TTC6: variants seen among roughly 807,000 people sequenced by gnomAD.
TTC6 encodes tetratricopeptide repeat domain 6, also known as tetratricopeptide repeat protein 6.
TTC6 carries 172 observed loss-of-function variants against 210.4 expected under a neutral mutation model. That is an observed-to-expected ratio of 0.82 (90% confidence interval 0.72 to 0.93). The LOEUF is 0.93. Among genes scored for constraint, TTC6 ranks in the 40% least tolerant of loss-of-function variants. The probability of loss-of-function intolerance (pLI) is 0.00; values close to 1 mark genes in which losing one functional copy is unlikely to be tolerated. For synonymous variants in TTC6, 804 were observed against 819.6 expected (o/e 0.98, Z 0.32); for missense variants, 2,414 against 2,318.1 (o/e 1.04, Z -0.85).
chr14:37,804,653 C>A (rs2096114306), intron 20 of TTC6, 27 bp from the exon 23 acceptor site: 1 of 1,602,938 alleles, frequency 6.2e-7, no homozygotes. Flanking sequence ...CATTTCTTGC[C>A]CCCTCCCTGC....
At chr14:37,605,841 C>A (rs1175697461) in intron 1 of TTC6, among the ~76,000 whole-genome samples, 1 of 152,006 alleles carries the variant, frequency 6.6e-6, no homozygotes, top group African/African-American at 2.4e-5. Flanking sequence ...TTAGACCAGG[C>A]TCATTAGTGT....
chr14:37,651,971 G>A (rs1038689801), intron 1 of TTC6, among the ~76,000 whole-genome samples: 1 of 152,216 alleles, frequency 6.6e-6, no homozygotes, highest in Non-Finnish European at 1.5e-5. Context: ...AAGCAGGTCA[G>A]TGATGTGATA....
At chr14:37,655,365 A>G (rs886972778) in intron 1 of TTC6, among the ~76,000 whole-genome samples, 3 of 152,174 alleles carry the variant, frequency 2.0e-5, no homozygotes, top group Admixed American at 2.0e-4. Flanking sequence ...AACTTTCTGC[A>G]TTTTATTTCC....
intron 14 of TTC6, among the ~76,000 whole-genome samples, chr14:37,783,118 TG>T (rs1265687372): frequency 3.3e-5 from 5 of 152,198 alleles, no homozygotes; most frequent in Middle Eastern, 3.2e-3. Flanking sequence ...TGCCAGGCTT[TG>T]GTATGAGGAT....
chr14:37,791,466 T>A (rs779425293), intron 16 of TTC6, among the ~76,000 whole-genome samples: 5 of 152,176 alleles, frequency 3.3e-5, no homozygotes, highest in South Asian at 4.1e-4. Context: ...GAGTAACTAA[T>A]CATGCCAATT....
intron 1 of TTC6, among the ~76,000 whole-genome samples, chr14:37,648,207 C>T (rs1048966795): frequency 6.6e-6 from 1 of 151,998 alleles, no homozygotes; most frequent in Non-Finnish European, 1.5e-5. Flanking sequence ...TTGTTTTATC[C>T]TTGACTTTAA....
chr14:37,737,214 G>A (rs576122934), intron 8 of TTC6, among the ~76,000 whole-genome samples: 69 of 152,138 alleles, frequency 4.5e-4, no homozygotes, highest in South Asian at 8.3e-4. Context: ...TAACACTTGC[G>A]TGGTTTCCTG....
chr14:37,771,852 T>G (rs1043946607), intron 14 of TTC6, among the ~76,000 whole-genome samples: 2 of 152,240 alleles, frequency 1.3e-5, no homozygotes, highest in Non-Finnish European at 2.9e-5. Flanking sequence ...CGTGAGGAAC[T>G]GCTTTCCTTT....
At chr14:37,707,355 C>G (rs1478283729) in intron 5 of TTC6, among the ~76,000 whole-genome samples, 1 of 151,896 alleles carries the variant, frequency 6.6e-6, no homozygotes, top group Admixed American at 6.6e-5. Context: ...TTCTATTCTA[C>G]TTATTTTGTG....
intron 2 of TTC6, among the ~76,000 whole-genome samples, chr14:37,610,434 G>A (rs1280264213): frequency 6.6e-6 from 1 of 152,140 alleles, no homozygotes; most frequent in Non-Finnish European, 1.5e-5. Flanking sequence ...AGAGGGGTTG[G>A]TACAGAGGAA....
At chr14:37,727,102 A>G (rs34450997) in intron 7 of TTC6, among the ~76,000 whole-genome samples, 8,613 of 151,866 alleles carry the variant, frequency 0.057, 378 homozygotes, top group Non-Finnish European at 0.089. Context: ...ATAATACATA[A>G]TTCCCTGGCT....
At chr14:37,673,402 T>C (rs1284488478) in intron 1 of TTC6, among the ~76,000 whole-genome samples, 2 of 152,170 alleles carry the variant, frequency 1.3e-5, no homozygotes, top group East Asian at 3.9e-4. Context: ...AACTTTACAG[T>C]AAGTTATCTA....
At chr14:37,726,296 T>C (rs1408689368) in intron 7 of TTC6, among the ~76,000 whole-genome samples, 1 of 152,214 alleles carries the variant, frequency 6.6e-6, no homozygotes, top group Non-Finnish European at 1.5e-5. Context: ...GTAAGATTAA[T>C]ATGAAGAAAT....
In TTC6 at chr14:37,817,446, T is replaced by A. The variant is rs1019936344; in HGVS notation, c.4690-132T>A. The A allele has an allele frequency of 5.5e-5, 39 of 703,040 alleles. No individual in the cohort carries two copies. The African/African-American group carries it at 7.0e-4, about 13-fold the overall frequency. The allele number at this position is 703,040 out of a possible 1,614,324, so 43.6% of individuals were successfully genotyped here. A position where few individuals can be genotyped will look rare whatever the true frequency, so the allele number is the denominator to read the frequency against. On this transcript the variant is annotated intron_variant, in intron 25 of 30. Transcript: ENST00000553443. ...TTTAGAAAGATGTGTATTTTAATGC[T>A]TGTGTCACATGTATTTAGGAAGATG...
chr14:37,741,881 G>A (rs1223515583), intron 10 of TTC6, among the ~76,000 whole-genome samples: 4 of 152,058 alleles, frequency 2.6e-5, no homozygotes, highest in South Asian at 2.1e-4. Flanking sequence ...CAATAACTTC[G>A]CAGCTTCATT....
In TTC6 at chr14:37,830,763, AAT is replaced by A. The variant is rs1491485519; in HGVS notation, c.5298+3398_5298+3399del. Among the ~76,000 whole-genome samples, 3 of 151,378 alleles carry A rather than the reference AAT, an allele frequency of 2.0e-5. No homozygotes were observed. In the East Asian group the frequency reaches 5.8e-4, roughly 29 times the overall value. ...TTTCTAAAATAGATTTTTTTAAATGAATTTTTTTCAAAATCATTTTATTTCAA... is the reference window on the plus strand; with the variant it reads ...TTTCTAAAATAGATTTTTTTAAATGATTTTTTCAAAATCATTTTATTTCAA... On this transcript the variant is annotated intron_variant, in intron 29 of 30. Transcript: ENST00000553443.
chr14:37,644,165 C>T (rs61988003), intron 1 of TTC6, among the ~76,000 whole-genome samples: 1 of 152,080 alleles, frequency 6.6e-6, no homozygotes, highest in African/African-American at 2.4e-5. Flanking sequence ...AGAACTAGTT[C>T]AGAGTAGCTA....
At chr14:37,673,154 A>G (rs1740269058) in intron 1 of TTC6, among the ~76,000 whole-genome samples, 1 of 152,088 alleles carries the variant, frequency 6.6e-6, no homozygotes, top group Non-Finnish European at 1.5e-5. Context: ...GTCACCCAGA[A>G]CAATCATATA....
intron 5 of TTC6, among the ~76,000 whole-genome samples, chr14:37,706,162 T>A (rs1299693919): frequency 1.3e-5 from 2 of 152,100 alleles, no homozygotes; most frequent in African/African-American, 4.8e-5. Flanking sequence ...TTAGTCACAG[T>A]GAATTGGGAA....
Sources: allele counts gnomAD v4.1 joint callset (sites outside exome capture counted in the v4.1 genomes callset), GRCh38; gene constraint gnomAD v4.1.1; transcripts MANE v1.5; gene names NCBI Gene and HGNC (gene_info 2026-07-23, HGNC 2026-07-21).